LRP1B: variants seen among roughly 807,000 people sequenced by gnomAD.
LRP1B encodes the protein LDL receptor related protein 1B, also known as low-density lipoprotein receptor-related protein 1B.
In LRP1B, 217 loss-of-function variants were observed where a neutral mutation model predicts 556.6. The ratio of observed to expected loss-of-function variants is 0.39; its 90% CI spans 0.35 to 0.44. The LOEUF (loss-of-function observed/expected upper bound fraction) is 0.44. LRP1B is among the 20% of genes least tolerant of loss of function. The pLI is 1.00. For missense variants in LRP1B, 5,053 were observed against 5,620.8 expected (o/e 0.90, Z 3.23); for synonymous variants, 2,047 against 1,865.8 (o/e 1.10, Z -2.50).
chr2:140,841,779 A>G (rs1692112622), intron 29 of LRP1B, among the ~76,000 whole-genome samples: 1 of 152,182 alleles, frequency 6.6e-6, no homozygotes, highest in East Asian at 1.9e-4. Context: ...TTAGGCTTAA[A>G]TATAATTGCA....
chr2:141,898,886 G>A (rs1487808658), intron 1 of LRP1B, among the ~76,000 whole-genome samples: 1 of 152,130 alleles, frequency 6.6e-6, no homozygotes, highest in Non-Finnish European at 1.5e-5. Flanking sequence ...GTGCAACCCT[G>A]TCATTCTAAA....
intron 1 of LRP1B, among the ~76,000 whole-genome samples, chr2:141,820,063 A>T (rs1490828568): frequency 1.3e-5 from 2 of 152,184 alleles, no homozygotes; most frequent in Non-Finnish European, 2.9e-5. Flanking sequence ...TCCCATGGTT[A>T]AAATGAAATA....
At chr2:140,346,905 T>A (rs1264309821) in intron 77 of LRP1B, among the ~76,000 whole-genome samples, 1 of 151,988 alleles carries the variant, frequency 6.6e-6, no homozygotes, top group Non-Finnish European at 1.5e-5. Flanking sequence ...GTAAAAATCA[T>A]GTTTATCCTG....
chr2:141,018,219 C>T (rs550316286), intron 12 of LRP1B, among the ~76,000 whole-genome samples: 1 of 152,098 alleles, frequency 6.6e-6, no homozygotes, highest in African/African-American at 2.4e-5. Context: ...ATTTCAAGGC[C>T]TGTTTGAATG....
intron 43 of LRP1B, among the ~76,000 whole-genome samples, chr2:140,584,331 G>C (rs981633455): frequency 1.3e-5 from 2 of 151,632 alleles, no homozygotes; most frequent in African/African-American, 4.8e-5. Context: ...AAGCTTATTT[G>C]TATGCTTCTC....
Position 141,282,327 on chromosome 2 carries a change from T to C in LRP1B, c.344-27686A>G, listed in dbSNP as rs145350187. ...TATTTTGTAGAGACAATCTGGACAATAGATAATGAATCCAAAAGATTCAGC... is the reference window on the plus strand; with the variant it reads ...TATTTTGTAGAGACAATCTGGACAACAGATAATGAATCCAAAAGATTCAGC... On this transcript the variant is annotated intron_variant, in intron 3 of 90. Coordinates refer to ENST00000389484, the MANE Select transcript of LRP1B (RefSeq NM_018557.3). Among the ~76,000 whole-genome samples, 246 of 152,094 alleles carry C rather than the reference T, an allele frequency of 1.6e-3. 1 individual carries two copies. The highest frequency in any genetic ancestry group is 5.4e-3 in the African/African-American group (225 of 41,518).
chr2:140,922,728 C>A (rs542073510), intron 21 of LRP1B, among the ~76,000 whole-genome samples: 21 of 151,968 alleles, frequency 1.4e-4, no homozygotes, highest in Non-Finnish European at 2.6e-4. Flanking sequence ...GCTCTGTGAG[C>A]GTAAGCAAGT....
intron 59 of LRP1B, among the ~76,000 whole-genome samples, chr2:140,475,952 T>A (rs569361843): frequency 6.6e-6 from 1 of 152,132 alleles, no homozygotes; most frequent in South Asian, 2.1e-4. Flanking sequence ...GCACTTCCAT[T>A]ATCACAGAAA....
intron 79 of LRP1B, among the ~76,000 whole-genome samples, chr2:140,326,533 G>C (rs1573796005): frequency 6.6e-6 from 1 of 152,108 alleles, no homozygotes; most frequent in East Asian, 1.9e-4. Flanking sequence ...TGGCCAACAT[G>C]GTGAAACCCT....
intron 41 of LRP1B, among the ~76,000 whole-genome samples, chr2:140,676,683 G>A (rs1015944825): frequency 2.6e-5 from 4 of 152,102 alleles, no homozygotes; most frequent in African/African-American, 9.7e-5. Context: ...AATAATTTTA[G>A]CTAATACTAT....
chr2:141,499,167 AACTC>A, intron 2 of LRP1B, among the ~76,000 whole-genome samples: 1 of 152,238 alleles, frequency 6.6e-6, no homozygotes, highest in Middle Eastern at 3.4e-3. Flanking sequence ...CTTATTAACT[AACTC>A]AGTCTTCTGA....
intron 84 of LRP1B, among the ~76,000 whole-genome samples, chr2:140,279,474 C>A (rs944481633): frequency 2.0e-5 from 3 of 151,912 alleles, no homozygotes; most frequent in Non-Finnish European, 4.4e-5. Flanking sequence ...CCCTTCACAT[C>A]TATAATGCAC....
chr2:140,572,882 T>C lies in LRP1B; in HGVS notation c.7194+25749A>G, dbSNP rs550287174. ...CAACATGGAAGTTTGTAGGACATTA[T>C]TTTAAGTGAAATAAACCAGGCACAG... On this transcript the variant is annotated intron_variant, in intron 43 of 90. Coordinates refer to ENST00000389484, the MANE Select transcript of LRP1B (RefSeq NM_018557.3). 2.9e-4 allele frequency among the ~76,000 whole-genome samples: 44 copies of C among 151,940 alleles called. No individual in the cohort carries two copies. In the South Asian group the frequency reaches 9.1e-3, roughly 32 times the overall value.
chr2:141,651,003 C>T (rs934090417), intron 2 of LRP1B, among the ~76,000 whole-genome samples: 1 of 152,210 alleles, frequency 6.6e-6, no homozygotes, highest in Non-Finnish European at 1.5e-5. Flanking sequence ...ATTGAGTATA[C>T]ATTTAAATAA....
chr2:140,526,195 G>C (rs1264715649), intron 48 of LRP1B, 42 bp downstream of exon 48: 2 of 1,569,120 alleles, frequency 1.3e-6, no homozygotes, highest in Admixed American at 3.4e-5. Context: ...AATGCCAAAA[G>C]TGCCCAAGCA....
rs971417404 is a variant in LRP1B at position 141,013,706 on chromosome 2, G to A, written c.2230C>T (p.Leu744=). 1.7e-5 allele frequency: 27 copies of A among 1,598,942 alleles called. No individual in the cohort carries two copies. Among genetic ancestry groups the A allele is most frequent in the Non-Finnish European group, 2.1e-5 (25 of 1,173,434 alleles). ...SGRELNHPFG[L]SHHGNYVFWT... ...AACACATAATTTCCATGATGCGACA[G>A]TCCGAAAGGGTGGTTCAACTCTCTC... The change falls in exon 14 of 91, where the codon CTG becomes TTG. Residue 744 remains leucine, a synonymous_variant. Transcript: ENST00000389484.
At chr2:141,060,220 C>T (rs934581114) in intron 8 of LRP1B, among the ~76,000 whole-genome samples, 4 of 151,824 alleles carry the variant, frequency 2.6e-5, no homozygotes, top group African/African-American at 7.2e-5. Flanking sequence ...TAAAAAAAGA[C>T]TGGCTTTACA....
chr2:140,394,356 GA>G (rs1355921835), intron 66 of LRP1B, among the ~76,000 whole-genome samples: 11 of 152,096 alleles, frequency 7.2e-5, no homozygotes, highest in African/African-American at 2.2e-4. Context: ...ATTTACTGCT[GA>G]AATGTGATCA....
chr2:141,926,867 T>G (rs1242042779), intron 1 of LRP1B, among the ~76,000 whole-genome samples: 1 of 152,116 alleles, frequency 6.6e-6, no homozygotes, highest in Middle Eastern at 3.2e-3. Context: ...CCTAACAAGG[T>G]GAACTATTTT....
Sources: gnomAD v4.1 joint callset for allele counts (sites outside exome capture counted in the v4.1 genomes callset) on GRCh38, gnomAD v4.1.1 for gene constraint, MANE v1.5 for transcripts, NCBI Gene and HGNC (gene_info 2026-07-23, HGNC 2026-07-21) for gene names.